Variants in MAP3K4 observed in about 807,000 individuals in gnomAD.
MAP3K4 encodes mitogen-activated protein kinase kinase kinase 4.
Under a neutral mutation model 185.6 loss-of-function variants are expected in MAP3K4, and 67 were observed. The observed-to-expected ratio is 0.36, with a 90% CI of 0.30 to 0.44. MAP3K4 has a LOEUF of 0.44. Among genes scored for constraint, MAP3K4 ranks in the 20% least tolerant of loss-of-function variants. The pLI, the probability that MAP3K4 is intolerant of heterozygous loss-of-function variation, is 1.00. For synonymous variants in MAP3K4, 702 were observed against 710.4 expected, an observed-to-expected ratio of 0.99 and a Z score of 0.19; for missense variants, 1,551 against 1,995.1, an observed-to-expected ratio of 0.78 and a Z score of 4.24.
chr6:160,998,466 A>G (rs1781108243), intron 1 of MAP3K4, among the ~76,000 whole-genome samples: 1 of 152,216 alleles, frequency 6.6e-6, no homozygotes, highest in African/African-American at 2.4e-5. Context: ...TTTACGTTGA[A>G]TTGTTACTAA....
In MAP3K4 at chr6:161,103,089, C is replaced by G. The variant is rs1244796717; in HGVS notation, c.3856+310C>G. 6.6e-6 allele frequency among the ~76,000 whole-genome samples: 1 copy of G among 152,132 alleles called. No homozygotes were observed. Among genetic ancestry groups the G allele is most frequent in the East Asian group, 1.9e-4 (1 of 5,194 alleles). On this transcript the variant is annotated intron_variant, in intron 19 of 26. Transcript: ENST00000392142. The surrounding 1 kb of genome is among the most constrained non-coding windows in gnomAD (Gnocchi z 4.6). ...AGTATAATAAACATTTGTGAAATAACCATTCATAAATTAGACATTGAGGGA... is the reference window on the plus strand; with the variant it reads ...AGTATAATAAACATTTGTGAAATAAGCATTCATAAATTAGACATTGAGGGA...
At chr6:161,031,678 A>G (rs755964280) in intron 1 of MAP3K4, among the ~76,000 whole-genome samples, 18 of 152,222 alleles carry the variant, frequency 1.2e-4, no homozygotes, top group Non-Finnish European at 2.2e-4. Context: ...GATACTAGCA[A>G]AACAGACCAT....
At chr6:161,047,691 C>T (rs1398055233) in intron 2 of MAP3K4, among the ~76,000 whole-genome samples, 2 of 152,008 alleles carry the variant, frequency 1.3e-5, no homozygotes, top group Non-Finnish European at 2.9e-5. Flanking sequence ...GAGCAAAGCT[C>T]CAAGGAGGTA....
chr6:161,100,053 C>T lies in MAP3K4; in HGVS notation c.3674+1626C>T, dbSNP rs756450689. Among the ~76,000 whole-genome samples, 2 of 152,102 alleles carry T rather than the reference C, an allele frequency of 1.3e-5. No individual in the cohort carries two copies. The highest frequency in any genetic ancestry group is 2.9e-5 in the Non-Finnish European group (2 of 68,028). On this transcript the variant is annotated intron_variant, in intron 17 of 26. Transcript: ENST00000392142. This position sits in a 1 kb window ranked among gnomAD's most constrained non-coding sequence, Gnocchi z 5.8. ...TCAGGATTCCCGTTTACTTTATGAC[C>T]GTCTGTGTGTGTGAGATGGTAGGTA...
At chr6:161,099,954 C>T (rs758059335) in intron 17 of MAP3K4, among the ~76,000 whole-genome samples, 48 of 152,228 alleles carry the variant, frequency 3.2e-4, no homozygotes, top group Non-Finnish European at 6.6e-4. Flanking sequence ...TAAGTTTGTA[C>T]ATACTTAGAC....
At position 161,100,350 on chromosome 6, in the gene MAP3K4, G is replaced by A. The variant is rs1024865458; in HGVS notation, c.3675-1542G>A. Among the ~76,000 whole-genome samples, 3 of 152,212 alleles carry A rather than the reference G, an allele frequency of 2.0e-5. No homozygotes were observed. Among genetic ancestry groups the A allele is most frequent in the African/African-American group, 4.8e-5 (2 of 41,454 alleles). On this transcript the variant is annotated intron_variant, in intron 17 of 26. Transcript: ENST00000392142. The surrounding 1 kb of genome is among the most constrained non-coding windows in gnomAD (Gnocchi z 5.8). ...CAGCCATGGGGTGTAGCCCTTGCCC[G>A]TCTTACAGATACATCAAAGTTCAAC...
In MAP3K4 at chr6:161,080,787, C is replaced by G. The variant is rs539007051; in HGVS notation, c.2098-94C>G. On this transcript the variant is annotated intron_variant, in intron 5 of 26. Transcript: ENST00000392142. The surrounding 1 kb of genome is among the most constrained non-coding windows in gnomAD (Gnocchi z 4.8). Reference sequence around the variant, plus strand: ...GCCTGTGACAGCCCCCGGCCCGCCCCCACTTTACCCTGCTGATGTGTAGCT... The same window carrying G: ...GCCTGTGACAGCCCCCGGCCCGCCCGCACTTTACCCTGCTGATGTGTAGCT... 1 of 1,156,786 alleles carries G rather than the reference C, an allele frequency of 8.6e-7. No individual in the cohort carries two copies. Among genetic ancestry groups the G allele is most frequent in the African/African-American group, 1.5e-5 (1 of 64,668 alleles). 71.7% of individuals were successfully genotyped at this position (1,156,786 alleles called of 1,614,324 possible).
rs1266359181 is a variant in MAP3K4 at position 161,089,324 on chromosome 6, G to A, written c.2826G>A (p.Val942=). The part of the protein sequence containing the change: ...ETVDTLRSMQ[V]DNLLLVVMQS... ...CCTGTGCTTGATTTTCCTCCCAGGT[G>A]GATAATCTTTTACTAGTTGTCATGC... Residue 942 remains valine, a splice_region_variant and synonymous_variant, in exon 11 of 27, where the codon GTG becomes GTA. Transcript: ENST00000392142. 6.2e-7 allele frequency: 1 copy of A among 1,611,836 alleles called. No homozygotes were observed. The highest frequency in any genetic ancestry group is 8.5e-7 in the Non-Finnish European group (1 of 1,179,324).
chr6:161,098,515 G>A lies in MAP3K4; in HGVS notation c.3674+88G>A, dbSNP rs968329191. The A allele has an allele frequency of 1.5e-4, 212 of 1,461,188 alleles. 1 individual carries two copies. The highest frequency in any genetic ancestry group is 1.8e-4 in the Non-Finnish European group (201 of 1,094,394). 90.5% of individuals were successfully genotyped at this position (1,461,188 alleles called of 1,614,324 possible). A position where few individuals can be genotyped will look rare whatever the true frequency, so the allele number is the denominator to read the frequency against. On this transcript the variant is annotated intron_variant, in intron 17 of 26. Transcript: ENST00000392142. The surrounding 1 kb of genome is among the most constrained non-coding windows in gnomAD (Gnocchi z 4.4). ...CATAGTGTTAGGGTGTGTGCCGGCT[G>A]TGGTTGGGCTTCTTTGCTGTGGCGT...
intron 1 of MAP3K4, among the ~76,000 whole-genome samples, chr6:161,010,463 C>G (rs757296674): frequency 1.3e-5 from 2 of 151,170 alleles, no homozygotes; most frequent in Non-Finnish European, 2.9e-5. Flanking sequence ...TTTCTTGGTT[C>G]AAAACTATAG....
rs1785041382 is a variant in MAP3K4, at chr6:161,073,528, C to T, written c.2013C>T (p.Phe671=). 2 of 1,613,944 alleles carry T rather than the reference C, an allele frequency of 1.2e-6. No homozygotes were observed. Among genetic ancestry groups the T allele is most frequent in the Middle Eastern group, 1.6e-4 (1 of 6,062 alleles). Residue 671 remains phenylalanine (F), a synonymous_variant, in exon 5 of 27, where the codon TTC becomes TTT. Transcript: ENST00000392142. The surrounding 1 kb of genome is among the most constrained non-coding windows in gnomAD (Gnocchi z 4.2). The part of the protein sequence containing the change: ...GGLLMKQYYQ[F]MLQEVLEDLE... ...TGCTGATGAAGCAGTACTACCAGTT[C>T]ATGCTGCAGGAGGTTCTGGAGGACT...
chr6:161,018,422 T>C (rs573193067), intron 1 of MAP3K4, among the ~76,000 whole-genome samples: 1 of 152,334 alleles, frequency 6.6e-6, no homozygotes, highest in African/African-American at 2.4e-5. Flanking sequence ...AAAGTCTTTG[T>C]TGCGTTGGAC....
chr6:161,044,523 C>T (rs145365170), intron 2 of MAP3K4, among the ~76,000 whole-genome samples: 7 of 152,138 alleles, frequency 4.6e-5, no homozygotes, highest in South Asian at 4.1e-4. Flanking sequence ...AGACTACCCC[C>T]GCACCCAACA....
chr6:161,051,881 C>A lies in MAP3K4; in HGVS notation c.1707+1902C>A, dbSNP rs1032130936. ...ACTATTACTGTTTTAGAGACAAGAT[C>A]TCACTACGTTGCCCAGGCTGGACTC... On this transcript the variant is annotated intron_variant, in intron 3 of 26. Coordinates refer to ENST00000392142, the MANE Select transcript of MAP3K4 (RefSeq NM_005922.4). This position sits in a 1 kb window ranked among gnomAD's most constrained non-coding sequence, Gnocchi z 4.2. 2.6e-5 allele frequency among the ~76,000 whole-genome samples: 4 copies of A among 152,182 alleles called. No homozygotes were observed. Among genetic ancestry groups the A allele is most frequent in the African/African-American group, 9.7e-5 (4 of 41,436 alleles).
At position 161,107,833 on chromosome 6, in the gene MAP3K4, A is replaced by C; in HGVS notation, c.4049-66A>C. On this transcript the variant is annotated intron_variant, in intron 20 of 26. Coordinates refer to ENST00000392142, the MANE Select transcript of MAP3K4 (RefSeq NM_005922.4). This position sits in a 1 kb window ranked among gnomAD's most constrained non-coding sequence, Gnocchi z 6.2. ...AAAATAATTGGACAGTATTATTACA[A>C]GTTTAAGGAATGTAAGACAGCCCCC... 9.6e-7 allele frequency: 1 copy of C among 1,039,162 alleles called. No homozygotes were observed. Among genetic ancestry groups the C allele is most frequent in the South Asian group, 1.3e-5 (1 of 76,266 alleles). 64.4% of individuals were successfully genotyped at this position (1,039,162 alleles called of 1,614,324 possible).
At position 161,064,345 on chromosome 6, in the gene MAP3K4, T is replaced by C. The variant is rs1784609541; in HGVS notation, c.1708-6263T>C. Among the ~76,000 whole-genome samples the C allele has an allele frequency of 6.6e-6, 1 of 152,254 alleles. No individual in the cohort carries two copies. The highest frequency in any genetic ancestry group is 6.5e-5 in the Admixed American group (1 of 15,284). On this transcript the variant is annotated intron_variant, in intron 3 of 26. Transcript: ENST00000392142. The surrounding 1 kb of genome is among the most constrained non-coding windows in gnomAD (Gnocchi z 4.3). Reference sequence around the variant, plus strand: ...GCTGCATAATTTTAGAAATGAATACTTGTGATACTGTGAGGTATAGTATGA... The same window carrying C: ...GCTGCATAATTTTAGAAATGAATACCTGTGATACTGTGAGGTATAGTATGA...
intron 1 of MAP3K4, among the ~76,000 whole-genome samples, chr6:161,020,737 T>G (rs1027384396): frequency 6.6e-6 from 1 of 152,068 alleles, no homozygotes; most frequent in African/African-American, 2.4e-5. Context: ...CAGGGAATTC[T>G]TAGTTTTCAT....
chr6:161,000,664 G>C (rs2115043811), intron 1 of MAP3K4, among the ~76,000 whole-genome samples: 1 of 152,092 alleles, frequency 6.6e-6, no homozygotes, highest in South Asian at 2.1e-4. Context: ...CTTAAGAAAA[G>C]AAAGGAACTC....
At chr6:161,060,622 T>C (rs923187537) in intron 3 of MAP3K4, among the ~76,000 whole-genome samples, 80 of 146,992 alleles carry the variant, frequency 5.4e-4, no homozygotes, top group Admixed American at 1.5e-3. Context: ...CTTTTTCTTT[T>C]TTTTTTTTTT....
Sources: allele counts gnomAD v4.1 joint callset (sites outside exome capture counted in the v4.1 genomes callset), GRCh38; gene constraint gnomAD v4.1.1; non-coding constraint Gnocchi (gnomAD v3.1); transcripts MANE v1.5; gene names NCBI Gene and HGNC (gene_info 2026-07-23, HGNC 2026-07-21).